Variants in SEMA6A observed in about 807,000 individuals in gnomAD.
SEMA6A encodes the protein semaphorin-6A.
In SEMA6A, 25 loss-of-function variants were observed where a neutral mutation model predicts 96.8. That is an observed-to-expected ratio of 0.26 (90% CI 0.19 to 0.36). SEMA6A has a LOEUF of 0.36. Ranked by LOEUF, SEMA6A falls within the 10% of genes least tolerant of loss-of-function variation. The pLI, the probability that SEMA6A is intolerant of heterozygous loss-of-function variation, is 1.00. For synonymous variants in SEMA6A, 612 were observed against 518.0 expected (o/e 1.18, Z -2.46); for missense variants, 1,363 against 1,323.1 (o/e 1.03, Z -0.47).
In SEMA6A at chr5:116,446,407, G is replaced by C. The variant is rs571125094; in HGVS notation, c.*206C>G. 2.1e-6 allele frequency: 1 copy of C among 477,776 alleles called. No individual in the cohort carries two copies. Among genetic ancestry groups the C allele is most frequent in the Admixed American group, 3.7e-5 (1 of 26,680 alleles). The allele number at this position is 477,776 out of a possible 1,614,324, so 29.6% of individuals were successfully genotyped here. A position where few individuals can be genotyped will look rare whatever the true frequency, so the allele number is the denominator to read the frequency against. ...AAGTGAAGGAAGAGAATGAAGGTGA[G>C]TCCCCGCCGTTGCAAACCTTCACCA... On this transcript the variant is annotated 3_prime_UTR_variant, in exon 19 of 19. Transcript: ENST00000343348.
intron 15 of SEMA6A, 80 bp downstream of exon 15, chr5:116,477,766 G>A (rs574755285): frequency 2.7e-5 from 37 of 1,377,120 alleles, no homozygotes; most frequent in Non-Finnish European, 3.8e-5. Flanking sequence ...GGTGGTGTGT[G>A]TGAGCAGAGC....
intron 7 of SEMA6A, 106 bp from the exon 8 acceptor site, chr5:116,489,113 A>G: frequency 1.6e-6 from 2 of 1,252,728 alleles, no homozygotes; most frequent in Non-Finnish European, 2.1e-6. Flanking sequence ...GGCAAATGAG[A>G]TAGCACAACT....
chr5:116,502,372 C>T (rs781176718), intron 2 of SEMA6A, 45 bp from the exon 3 acceptor site: 2 of 1,562,830 alleles, frequency 1.3e-6, no homozygotes, highest in Non-Finnish European at 1.8e-6. Context: ...GCAAATCAAG[C>T]CAGGAATTGA....
At chr5:116,491,609 C>A in intron 7 of SEMA6A, 131 bp downstream of exon 7, 1 of 680,102 alleles carries the variant, frequency 1.5e-6, no homozygotes. Context: ...AACAGAAAGG[C>A]ATTCTTAATT....
At chr5:116,491,908 T>C (rs1757347277) in intron 6 of SEMA6A, 78 bp from the exon 7 acceptor site, 1 of 1,165,564 alleles carries the variant, frequency 8.6e-7, no homozygotes, top group East Asian at 2.4e-5. Context: ...ATTTCCAGGA[T>C]GTGACAGGCC....
rs112437943 is a variant in SEMA6A, at chr5:116,565,334, T to C, written c.-39+8851A>G. 2.7e-3 allele frequency among the ~76,000 whole-genome samples: 409 copies of C among 152,272 alleles called. 2 individuals carry two copies. Among genetic ancestry groups the C allele is most frequent in the African/African-American group, 9.4e-3 (392 of 41,552 alleles). ...TAACTGCAAGGCTTGCAAGCCCTAG[T>C]ATATCTCAAACCTTTCCCAAGACAC... On this transcript the variant is annotated intron_variant, in intron 1 of 18. Coordinates refer to ENST00000343348, the MANE Select transcript of SEMA6A (RefSeq NM_020796.5).
At chr5:116,504,674 T>G (rs562804615) in intron 2 of SEMA6A, among the ~76,000 whole-genome samples, 171 bp downstream of exon 2, 1 of 152,230 alleles carries the variant, frequency 6.6e-6, no homozygotes, top group Non-Finnish European at 1.5e-5. Flanking sequence ...GATGGAGTTA[T>G]AGAAAAATCA....
chr5:116,447,850 C>G (rs1360153103), intron 18 of SEMA6A, 39 bp from the exon 19 acceptor site: 13 of 1,492,584 alleles, frequency 8.7e-6, no homozygotes, highest in Admixed American at 6.6e-5. Flanking sequence ...GAAATGAAAG[C>G]ACACCCCGAG....
Position 116,444,112 on chromosome 5 carries a change from A to G in SEMA6A, c.*2501T>C, listed in dbSNP as rs1359421461. 6.6e-6 allele frequency: 1 copy of G among 152,132 alleles called. No individual in the cohort carries two copies. Among genetic ancestry groups the G allele is most frequent in the African/African-American group, 2.4e-5 (1 of 41,416 alleles). The allele number at this position is 152,132 out of a possible 1,614,324, so 9.4% of individuals were successfully genotyped here. ...GGGGATACAGACCCATCACCTTCCT[A>G]ATTTCTGCATTTCTAGAGAAAATTC... On this transcript the variant is annotated 3_prime_UTR_variant, in exon 19 of 19. Transcript: ENST00000343348.
intron 18 of SEMA6A, among the ~76,000 whole-genome samples, chr5:116,466,640 C>A (rs1755775493): frequency 6.6e-6 from 1 of 152,130 alleles, no homozygotes; most frequent in South Asian, 2.1e-4. Flanking sequence ...GCAGAACACT[C>A]TGGGGGAGGG....
intron 10 of SEMA6A, among the ~76,000 whole-genome samples, chr5:116,483,351 C>T (rs1266785860): frequency 6.6e-6 from 1 of 152,090 alleles, no homozygotes; most frequent in East Asian, 1.9e-4. Context: ...TTGTTTTTGA[C>T]TAGAGTTGCT....
At chr5:116,490,498 A>C (rs1483389252) in intron 7 of SEMA6A, among the ~76,000 whole-genome samples, 1 of 152,198 alleles carries the variant, frequency 6.6e-6, no homozygotes, top group East Asian at 1.9e-4. Context: ...AGCAGTAGTC[A>C]TGTACTTGGG....
intron 1 of SEMA6A, among the ~76,000 whole-genome samples, chr5:116,518,774 A>G (rs1205853970): frequency 6.6e-6 from 1 of 152,238 alleles, no homozygotes; most frequent in Non-Finnish European, 1.5e-5. Context: ...AGAGAGGTCA[A>G]CCTGCATCAT....
chr5:116,469,230 T>C (rs1293524417), intron 17 of SEMA6A: 3 of 152,204 alleles, frequency 2.0e-5, no homozygotes, highest in Non-Finnish European at 4.4e-5. Context: ...ATTCAATTTG[T>C]TGAAAATAGT....
chr5:116,458,043 G>T (rs562421266), intron 18 of SEMA6A, among the ~76,000 whole-genome samples: 19 of 152,050 alleles, frequency 1.2e-4, no homozygotes, highest in Non-Finnish European at 1.5e-5. Flanking sequence ...GCCCTCTGTG[G>T]ACTAGTTTGT....
intron 18 of SEMA6A, among the ~76,000 whole-genome samples, chr5:116,450,439 C>G (rs1279189690): frequency 1.3e-5 from 2 of 152,222 alleles, no homozygotes; most frequent in African/African-American, 4.8e-5. Flanking sequence ...AAGAGTAAAG[C>G]TAGAGCAATT....
At chr5:116,532,977 A>AC (rs1028979516) in intron 1 of SEMA6A, among the ~76,000 whole-genome samples, 27 of 152,228 alleles carry the variant, frequency 1.8e-4, no homozygotes, top group Admixed American at 3.9e-4. Context: ...AGGTTTCTCC[A>AC]CCCCCTCTGC....
intron 18 of SEMA6A, among the ~76,000 whole-genome samples, chr5:116,458,812 T>C (rs1755182792): frequency 6.6e-6 from 1 of 152,002 alleles, no homozygotes. Context: ...GGATACAAAA[T>C]TAATTATATC....
chr5:116,516,105 G>A (rs1027651570), intron 1 of SEMA6A, among the ~76,000 whole-genome samples: 1 of 152,000 alleles, frequency 6.6e-6, no homozygotes, highest in Non-Finnish European at 1.5e-5. Flanking sequence ...TGCCTCTTTC[G>A]ATGAGCTCTG....
Sources: gnomAD v4.1 joint callset for allele counts (sites outside exome capture counted in the v4.1 genomes callset) on GRCh38, gnomAD v4.1.1 for gene constraint, MANE v1.5 for transcripts, NCBI Gene and HGNC (gene_info 2026-07-23, HGNC 2026-07-21) for gene names.